The following ABCA12 variants were observed in gnomAD, a reference collection of about 807,000 sequenced individuals.
ABCA12 encodes the protein ATP binding cassette subfamily A member 12.
ABCA12 carries 156 observed loss-of-function variants against 293.5 expected under a neutral mutation model. That is an observed-to-expected ratio of 0.53 (90% CI 0.47 to 0.61). The LOEUF (loss-of-function observed/expected upper bound fraction) is 0.61, where lower values mean the gene tolerates loss of function less well. Ranked by LOEUF, ABCA12 falls within the 20% of genes least tolerant of loss-of-function variation. The probability of loss-of-function intolerance (pLI) is 0.00; values close to 1 mark genes in which losing one functional copy is unlikely to be tolerated. For missense variants in ABCA12, 2,797 were observed against 3,090.2 expected (o/e 0.91, Z 2.25); for synonymous variants, 1,063 against 1,108.0 (o/e 0.96, Z 0.81).
intron 39 of ABCA12, among the ~76,000 whole-genome samples, chr2:214,961,114 A>G (rs1047976259): frequency 1.3e-5 from 2 of 152,140 alleles, no homozygotes; most frequent in African/African-American, 4.8e-5. Flanking sequence ...CATTATTACA[A>G]TGGTAGATCT....
At chr2:214,933,618 C>G (rs1409564838) in intron 52 of ABCA12, among the ~76,000 whole-genome samples, 1 of 107,226 alleles carries the variant, frequency 9.3e-6, no homozygotes, top group Non-Finnish European at 1.8e-5. Context: ...AGATGATGTA[C>G]GTTGAACGGA....
chr2:215,043,481 A>G (rs952043571), intron 7 of ABCA12, among the ~76,000 whole-genome samples: 1 of 152,138 alleles, frequency 6.6e-6, no homozygotes, highest in Non-Finnish European at 1.5e-5. Context: ...CCACAGCACA[A>G]TGTTTTTGCC....
intron 1 of ABCA12, 105 bp downstream of exon 1, chr2:215,138,035 A>C (rs1346904786): frequency 8.6e-7 from 1 of 1,162,428 alleles, no homozygotes; most frequent in African/African-American, 1.5e-5. Flanking sequence ...TGCTTTGGAA[A>C]ATGCCTTTAA....
intron 22 of ABCA12, among the ~76,000 whole-genome samples, chr2:215,000,197 A>G (rs571801177): frequency 2.0e-5 from 3 of 152,358 alleles, no homozygotes; most frequent in South Asian, 2.1e-4. Flanking sequence ...CTGATAATAC[A>G]TGAAAGTTTC....
At chr2:215,004,564 T>C (rs1186599870) in intron 19 of ABCA12, among the ~76,000 whole-genome samples, 1 of 152,234 alleles carries the variant, frequency 6.6e-6, no homozygotes, top group Non-Finnish European at 1.5e-5. Flanking sequence ...TTATCAACAT[T>C]AGAAATTTAT....
At chr2:215,097,312 A>G (rs1187396749) in intron 2 of ABCA12, among the ~76,000 whole-genome samples, 1 of 151,002 alleles carries the variant, frequency 6.6e-6, no homozygotes, top group Non-Finnish European at 1.5e-5. Context: ...TTACTTCTCT[A>G]GCCTCCAAAA....
chr2:215,100,678 T>C (rs984027663), intron 2 of ABCA12, among the ~76,000 whole-genome samples: 20 of 152,210 alleles, frequency 1.3e-4, no homozygotes, highest in Admixed American at 5.2e-4. Flanking sequence ...ACTTTACAAT[T>C]CCATCGTAAG....
chr2:214,986,817 T>A, intron 27 of ABCA12, 89 bp from the exon 28 acceptor site: 1 of 1,142,908 alleles, frequency 8.7e-7, no homozygotes, highest in Non-Finnish European at 1.3e-6. Flanking sequence ...AATTTAAGAC[T>A]ATAAAAATAT....
At chr2:215,137,232 A>G (rs1703248664) in intron 1 of ABCA12, among the ~76,000 whole-genome samples, 2 of 152,164 alleles carry the variant, frequency 1.3e-5, no homozygotes, top group African/African-American at 4.8e-5. Context: ...AGGCAATCCA[A>G]GCAAGCCTGG....
intron 5 of ABCA12, among the ~76,000 whole-genome samples, chr2:215,050,016 A>T (rs1197590386): frequency 2.6e-5 from 4 of 152,136 alleles, no homozygotes; most frequent in Non-Finnish European, 5.9e-5. Context: ...AATTCTTGTC[A>T]TTGTTATTAT....
Position 214,989,694 on chromosome 2 carries a change from C to T in ABCA12, c.3625-73G>A, listed in dbSNP as rs931620122. Reference sequence around the variant, plus strand: ...TTTCACCCAGAGGTATCCTAAAATACTTAAAACTTTGGACATTTGTATAGA... The same window carrying T: ...TTTCACCCAGAGGTATCCTAAAATATTTAAAACTTTGGACATTTGTATAGA... On this transcript the variant is annotated intron_variant, in intron 24 of 52. Transcript: ENST00000272895. The T allele has an allele frequency of 5.2e-6, 8 of 1,528,792 alleles. No homozygotes were observed. In the African/African-American group the frequency reaches 1.1e-4, roughly 21 times the overall value. 94.7% of individuals were successfully genotyped at this position (1,528,792 alleles called of 1,614,324 possible).
chr2:214,992,325 C>T (rs1242819937), intron 23 of ABCA12, among the ~76,000 whole-genome samples: 2 of 151,222 alleles, frequency 1.3e-5, no homozygotes, highest in African/African-American at 2.4e-5. Flanking sequence ...CCCCCGTAGC[C>T]CCAGCTACTC....
intron 1 of ABCA12, among the ~76,000 whole-genome samples, chr2:215,135,495 TTAAG>T (rs1264203717): frequency 6.6e-6 from 1 of 152,236 alleles, no homozygotes; most frequent in Non-Finnish European, 1.5e-5. Flanking sequence ...TTCTTTACCA[TTAAG>T]TAAGGACTAT....
At chr2:215,085,919 T>C (rs1032131025) in intron 2 of ABCA12, among the ~76,000 whole-genome samples, 1 of 152,222 alleles carries the variant, frequency 6.6e-6, no homozygotes, top group African/African-American at 2.4e-5. Context: ...AAAATCATTA[T>C]GTAGTTTTTA....
At chr2:214,942,818 C>T in intron 50 of ABCA12, 107 bp downstream of exon 50, 2 of 895,124 alleles carry the variant, frequency 2.2e-6, no homozygotes, top group East Asian at 2.7e-5. Context: ...TTAGCTTGTC[C>T]ATTCTAGTTT....
chr2:214,999,715 C>T, intron 22 of ABCA12: 1 of 708,040 alleles, frequency 1.4e-6, no homozygotes, highest in Non-Finnish European at 1.7e-6. Flanking sequence ...ATAGTTCGGG[C>T]AGCACAGTCC....
chr2:215,073,453 C>G (rs1701776653), intron 2 of ABCA12, among the ~76,000 whole-genome samples: 1 of 151,996 alleles, frequency 6.6e-6, no homozygotes, highest in African/African-American at 2.4e-5. Flanking sequence ...CTGGGCAGGT[C>G]TGAATTAAGC....
At chr2:215,038,476 A>G (rs1240819046) in intron 7 of ABCA12, among the ~76,000 whole-genome samples, 4 of 152,212 alleles carry the variant, frequency 2.6e-5, no homozygotes. Flanking sequence ...CAGAGCCCAC[A>G]GGCATTTTTA....
At chr2:214,990,194 T>G (rs568172622) in intron 24 of ABCA12, among the ~76,000 whole-genome samples, 8 of 152,346 alleles carry the variant, frequency 5.3e-5, no homozygotes, top group African/African-American at 1.4e-4. Flanking sequence ...TTTCTAAATT[T>G]CAGTCAGTAA....
Sources: gnomAD v4.1 joint callset for allele counts (sites outside exome capture counted in the v4.1 genomes callset) on GRCh38, gnomAD v4.1.1 for gene constraint, MANE v1.5 for transcripts, NCBI Gene and HGNC (gene_info 2026-07-23, HGNC 2026-07-21) for gene names.